Variants in RDX observed in about 807,000 individuals in gnomAD.
The protein encoded by RDX is deafness, autosomal recessive 24.
Under a neutral mutation model 83.7 loss-of-function variants are expected in RDX, and 32 were observed. The observed-to-expected ratio is 0.38, with a 90% CI of 0.29 to 0.51. The LOEUF (loss-of-function observed/expected upper bound fraction) is 0.51. RDX is among the 20% of genes least tolerant of loss of function. The pLI, the probability that RDX is intolerant of heterozygous loss-of-function variation, is 0.87. For missense variants in RDX, 600 were observed against 689.9 expected, an observed-to-expected ratio of 0.87 and a Z score of 1.46; for synonymous variants, 229 against 222.7, an observed-to-expected ratio of 1.03 and a Z score of -0.25.
chr11:110,198,850 C>T (rs1386886871), intron 15 of RDX, among the ~76,000 whole-genome samples: 1 of 150,840 alleles, frequency 6.6e-6, no homozygotes, highest in Non-Finnish European at 1.5e-5. Flanking sequence ...CGGAGTCTCG[C>T]TGTCATCCAG....
chr11:110,248,129 T>G (rs951226659), intron 9 of RDX, among the ~76,000 whole-genome samples: 1 of 152,286 alleles, frequency 6.6e-6, no homozygotes, highest in African/African-American at 2.4e-5. Context: ...ATATTGGGTA[T>G]AGTGTACATT....
chr11:110,192,488 T>C (rs1410904275), intron 15 of RDX, among the ~76,000 whole-genome samples: 2 of 152,124 alleles, frequency 1.3e-5, no homozygotes, highest in East Asian at 1.9e-4. Flanking sequence ...TCAAAAGCAA[T>C]TGCAGCAAAA....
intron 2 of RDX, among the ~76,000 whole-genome samples, chr11:110,275,110 A>T (rs1287697563): frequency 1.3e-5 from 2 of 152,240 alleles, no homozygotes; most frequent in African/African-American, 2.4e-5. Context: ...GTTAGCAGAA[A>T]ATGGTATCTC....
At chr11:110,275,314 G>C (rs552192214) in intron 2 of RDX, among the ~76,000 whole-genome samples, 4 of 152,238 alleles carry the variant, frequency 2.6e-5, no homozygotes, top group African/African-American at 9.6e-5. Flanking sequence ...TTATCTAGGA[G>C]GGCCTAAGCT....
At chr11:110,217,205 T>C (rs1203374625) in intron 14 of RDX, among the ~76,000 whole-genome samples, 1 of 152,256 alleles carries the variant, frequency 6.6e-6, no homozygotes, top group Admixed American at 6.5e-5. Context: ...CATTTTCTTC[T>C]AACTCAGTCC....
chr11:110,279,681 T>C lies in RDX; in HGVS notation c.12A>G (p.Pro4=), dbSNP rs769817607. 5 of 1,529,060 alleles carry C rather than the reference T, an allele frequency of 3.3e-6. No homozygotes were observed. The highest frequency in any genetic ancestry group is 1.4e-5 in the African/African-American group (1 of 73,326). The allele number at this position is 1,529,060 out of a possible 1,614,324, so 94.7% of individuals were successfully genotyped here. Residue 4 remains proline, a splice_region_variant and synonymous_variant, in exon 2 of 14, where the codon CCA becomes CCG. Transcript: ENST00000645495. MPK[P]INVRVTTMDA... Reference sequence around the variant, plus strand: ...GTCAAATGTAATAAAATACACTTACTGGTTTCGGCATTTTCTTTCTCTTTT... The same window carrying C: ...GTCAAATGTAATAAAATACACTTACCGGTTTCGGCATTTTCTTTCTCTTTT...
chr11:110,203,898 T>C (rs761542738), intron 14 of RDX, among the ~76,000 whole-genome samples: 8 of 152,102 alleles, frequency 5.3e-5, no homozygotes, highest in Admixed American at 1.3e-4. Flanking sequence ...ATACTAAAAA[T>C]TAGGCTGGTG....
intron 4 of RDX, 134 bp from the exon 5 acceptor site, chr11:110,264,368 A>G: frequency 1.5e-6 from 1 of 656,454 alleles, no homozygotes; most frequent in South Asian, 2.0e-5. Flanking sequence ...AGTGTGTAAT[A>G]GTCTAAATCT....
intron 10 of RDX, among the ~76,000 whole-genome samples, chr11:110,243,692 T>C (rs1390142933): frequency 1.3e-5 from 2 of 151,880 alleles, no homozygotes; most frequent in Non-Finnish European, 1.5e-5. Context: ...CACTCCAGCC[T>C]GCGTGACTGA....
intron 3 of RDX, among the ~76,000 whole-genome samples, chr11:110,268,037 C>T (rs939825937): frequency 1.3e-5 from 2 of 151,938 alleles, no homozygotes; most frequent in African/African-American, 2.4e-5. Context: ...GGGCCAGGCA[C>T]GGTGGCTCAC....
At chr11:110,192,636 C>T (rs1863124579) in intron 15 of RDX, among the ~76,000 whole-genome samples, 1 of 152,138 alleles carries the variant, frequency 6.6e-6, no homozygotes, top group Non-Finnish European at 1.5e-5. Context: ...GTTTAATATT[C>T]AGAGTCTCTG....
chr11:110,292,679 A>G (rs1816106883), intron 1 of RDX, among the ~76,000 whole-genome samples: 1 of 152,178 alleles, frequency 6.6e-6, no homozygotes, highest in Non-Finnish European at 1.5e-5. Context: ...AAGGTCCTGA[A>G]AGCCATAGAG....
rs951521544 is a variant in RDX, at chr11:110,296,556, G to A, written c.-154C>T. ...GACAGGGAGGGAGAAGCGGTGGTGC[G>A]AGCGCTGGCCCGCGGGAGACGAGAG... On this transcript the variant is annotated 5_prime_UTR_variant, in exon 1 of 14. Transcript: ENST00000645495. The A allele has an allele frequency of 9.9e-5, 15 of 151,364 alleles. No individual in the cohort carries two copies. Among genetic ancestry groups the A allele is most frequent in the Admixed American group, 9.9e-4 (15 of 15,186 alleles). 9.4% of individuals were successfully genotyped at this position (151,364 alleles called of 1,614,324 possible). A position where few individuals can be genotyped will look rare whatever the true frequency, so the allele number is the denominator to read the frequency against.
rs1191086578 is a variant in RDX at position 110,233,350 on chromosome 11, T to A, written c.1474A>T (p.Asn492Tyr). ...AATTCAGCACTAGCTTCAGCATTATTCTCATCGTGTTCATCATGTTCGTTT... is the reference window on the plus strand; with the variant it reads ...AATTCAGCACTAGCTTCAGCATTATACTCATCGTGTTCATCATGTTCGTTT... ...TENEHDEHDE[N>Y]NAEASAELSN... The change falls in exon 13 of 14, where the codon AAT becomes TAT. Residue 492 changes from asparagine to tyrosine, a missense_variant. By Grantham distance (143) the Asn-to-Tyr change is moderately radical. Coordinates refer to ENST00000645495, the MANE Select transcript of RDX (RefSeq NM_002906.4). The A allele has an allele frequency of 1.2e-6, 2 of 1,614,172 alleles. No individual in the cohort carries two copies. Among genetic ancestry groups the A allele is most frequent in the African/African-American group, 2.7e-5 (2 of 75,040 alleles).
chr11:110,261,163 T>C (rs896627969), intron 5 of RDX, among the ~76,000 whole-genome samples: 1 of 152,220 alleles, frequency 6.6e-6, no homozygotes, highest in Admixed American at 6.5e-5. Context: ...TGCAAATAAA[T>C]ACCAGATATC....
At chr11:110,220,236 A>G (rs562495725) in intron 14 of RDX, among the ~76,000 whole-genome samples, 36 of 152,258 alleles carry the variant, frequency 2.4e-4, no homozygotes, top group Non-Finnish European at 2.8e-4. Flanking sequence ...ATGAATATTC[A>G]TAATACAAAA....
At chr11:110,289,956 CAAAAAAAAAAAAAAAAAAA>C (rs58146009) in intron 1 of RDX, among the ~76,000 whole-genome samples, 4 of 35,484 alleles carry the variant, frequency 1.1e-4, no homozygotes, top group Admixed American at 4.8e-4. Context: ...GAGACTGTCT[CAAAAAAAAAAAAAAAAAAA>C]AAAAAAACAA....
intron 15 of RDX, among the ~76,000 whole-genome samples, chr11:110,189,088 C>T (rs940661860): frequency 3.3e-5 from 5 of 151,792 alleles, no homozygotes; most frequent in African/African-American, 4.8e-5. Flanking sequence ...AAGACCCATA[C>T]ATCTACTATC....
At chr11:110,295,079 G>A (rs1418135336) in intron 1 of RDX, among the ~76,000 whole-genome samples, 1 of 152,156 alleles carries the variant, frequency 6.6e-6, no homozygotes, top group Non-Finnish European at 1.5e-5. Flanking sequence ...TGTTTTACAT[G>A]TTGCTGTATT....
Sources: allele counts gnomAD v4.1 joint callset (sites outside exome capture counted in the v4.1 genomes callset), GRCh38; gene constraint gnomAD v4.1.1; transcripts MANE v1.5; gene names NCBI Gene and HGNC (gene_info 2026-07-23, HGNC 2026-07-21).